The following KCNAB1 variants were observed in gnomAD, a reference collection of about 807,000 sequenced individuals.
KCNAB1 encodes the protein voltage-gated potassium channel subunit beta-1.
Under a neutral mutation model 64.6 loss-of-function variants are expected in KCNAB1, and 35 were observed. The ratio of observed to expected loss-of-function variants is 0.54; its 90% CI spans 0.41 to 0.72. The LOEUF is 0.72. Among genes scored for constraint, KCNAB1 ranks in the 30% least tolerant of loss-of-function variants. The probability of loss-of-function intolerance (pLI) is 0.00; values close to 1 mark genes in which losing one functional copy is unlikely to be tolerated. For missense variants in KCNAB1, 401 were observed against 512.9 expected (o/e 0.78, Z 2.11); for synonymous variants, 177 against 183.8 (o/e 0.96, Z 0.30).
At chr3:156,297,677 C>T (rs1266881149) in intron 1 of KCNAB1, among the ~76,000 whole-genome samples, 12 of 152,094 alleles carry the variant, frequency 7.9e-5, no homozygotes, top group African/African-American at 9.7e-5. Flanking sequence ...TTACCTCCCA[C>T]GAATGGTGGG....
chr3:156,147,964 C>CACACAT (rs1553808786), intron 1 of KCNAB1, among the ~76,000 whole-genome samples: 12 of 151,402 alleles, frequency 7.9e-5, no homozygotes, highest in East Asian at 1.9e-4. Context: ...CACACACGCA[C>CACACAT]GCACACGCAC....
intron 1 of KCNAB1, among the ~76,000 whole-genome samples, chr3:156,122,756 G>T (rs565011434): frequency 6.6e-6 from 1 of 152,130 alleles, no homozygotes; most frequent in African/African-American, 2.4e-5. Context: ...TATTATTGCA[G>T]CATGATTATT....
chr3:156,244,557 G>C lies in KCNAB1; in HGVS notation c.275+123671G>C, dbSNP rs533773909. ...AGGTAATGACTTCCTTGGATCCTCTGAGTCTTCTCTTCCAGATTCCTACTT... is the reference window on the plus strand; with the variant it reads ...AGGTAATGACTTCCTTGGATCCTCTCAGTCTTCTCTTCCAGATTCCTACTT... On this transcript the variant is annotated intron_variant, in intron 1 of 13. Coordinates refer to ENST00000490337, the MANE Select transcript of KCNAB1 (RefSeq NM_172160.3). 3.7e-4 allele frequency among the ~76,000 whole-genome samples: 56 copies of C among 152,292 alleles called. 1 individual carries two copies. Among genetic ancestry groups the C allele is most frequent in the African/African-American group, 1.2e-3 (51 of 41,562 alleles).
At chr3:156,462,942 G>T (rs1389151880) in intron 5 of KCNAB1, among the ~76,000 whole-genome samples, 1 of 152,108 alleles carries the variant, frequency 6.6e-6, no homozygotes, top group African/African-American at 2.4e-5. Flanking sequence ...CTTGGTTGTG[G>T]CTTTCAGAAG....
At chr3:156,361,546 C>T (rs1347253861) in intron 1 of KCNAB1, among the ~76,000 whole-genome samples, 1 of 152,184 alleles carries the variant, frequency 6.6e-6, no homozygotes. Context: ...ATGTATGCTC[C>T]ATGAGGGCAG....
At position 156,135,409 on chromosome 3, in the gene KCNAB1, C is replaced by T. The variant is rs1180180073; in HGVS notation, c.275+14523C>T. On this transcript the variant is annotated intron_variant, in intron 1 of 13. Transcript: ENST00000490337. ...GCCAGGCAAAGATTTAAGTCCTTGT[C>T]CACTAAGCCCATGCTCCTGGAAACT... Among the ~76,000 whole-genome samples the T allele has an allele frequency of 5.3e-5, 8 of 152,168 alleles. 1 individual carries two copies. The highest frequency in any genetic ancestry group is 8.8e-5 in the Non-Finnish European group (6 of 68,030).
chr3:156,259,198 AG>A (rs1718286689), intron 1 of KCNAB1, among the ~76,000 whole-genome samples: 1 of 152,220 alleles, frequency 6.6e-6, no homozygotes, highest in Non-Finnish European at 1.5e-5. Context: ...AGTGGTAAGA[AG>A]ACAGTGGCCC....
intron 1 of KCNAB1, among the ~76,000 whole-genome samples, chr3:156,262,331 T>G (rs1445295368): frequency 6.6e-6 from 1 of 151,980 alleles, no homozygotes; most frequent in African/African-American, 2.4e-5. Flanking sequence ...TGTGGATTTT[T>G]CATGGAGACA....
intron 11 of KCNAB1, among the ~76,000 whole-genome samples, chr3:156,519,907 G>A (rs1717826710): frequency 6.6e-6 from 1 of 152,166 alleles, no homozygotes; most frequent in Admixed American, 6.5e-5. Context: ...CAATGACAGT[G>A]GCCAAAAGGG....
chr3:156,470,087 A>C (rs892515568), intron 7 of KCNAB1, among the ~76,000 whole-genome samples: 9 of 152,242 alleles, frequency 5.9e-5, no homozygotes, highest in African/African-American at 2.2e-4. Flanking sequence ...TACAGAGTAT[A>C]CAATGAGCTT....
At chr3:156,405,852 A>G (rs1314753741) in intron 1 of KCNAB1, among the ~76,000 whole-genome samples, 2 of 152,230 alleles carry the variant, frequency 1.3e-5, no homozygotes, top group African/African-American at 4.8e-5. Flanking sequence ...AATAACTACT[A>G]TGATCCATAT....
intron 1 of KCNAB1, among the ~76,000 whole-genome samples, chr3:156,345,927 T>C (rs180883928): frequency 6.6e-6 from 1 of 152,224 alleles, no homozygotes; most frequent in Admixed American, 6.5e-5. Context: ...TTGAAATAAA[T>C]ACAATTTTGC....
chr3:156,398,573 A>T (rs2108185458), intron 1 of KCNAB1, among the ~76,000 whole-genome samples: 1 of 146,222 alleles, frequency 6.8e-6, no homozygotes, highest in African/African-American at 2.6e-5. Context: ...AACCTGGGCG[A>T]CAGCGAGACT....
intron 8 of KCNAB1, 71 bp from the exon 9 acceptor site, chr3:156,514,293 G>A (rs1465645495): frequency 3.5e-6 from 4 of 1,135,980 alleles, no homozygotes; most frequent in Non-Finnish European, 4.0e-6. Flanking sequence ...GCTTTGGCTA[G>A]AGGAGTAAAA....
At chr3:156,239,961 A>C (rs1297419140) in intron 1 of KCNAB1, among the ~76,000 whole-genome samples, 6 of 152,228 alleles carry the variant, frequency 3.9e-5, no homozygotes, top group Non-Finnish European at 8.8e-5. Context: ...TAAACTTGAA[A>C]GCTACAGGAA....
chr3:156,318,974 A>G (rs1037899721), intron 1 of KCNAB1, among the ~76,000 whole-genome samples: 3 of 152,198 alleles, frequency 2.0e-5, no homozygotes, highest in African/African-American at 7.2e-5. Flanking sequence ...TAAATTTTCC[A>G]TTTATAGCTT....
chr3:156,536,134 C>G (rs1353628042), intron 13 of KCNAB1, among the ~76,000 whole-genome samples: 1 of 152,194 alleles, frequency 6.6e-6, no homozygotes, highest in East Asian at 1.9e-4. Context: ...AGTCTCTAGA[C>G]CTGTGCTGTG....
intron 1 of KCNAB1, among the ~76,000 whole-genome samples, chr3:156,399,717 A>G (rs986431231): frequency 1.1e-4 from 17 of 152,216 alleles, no homozygotes; most frequent in African/African-American, 3.9e-4. Flanking sequence ...TTCTTGATGA[A>G]CTGAATCTGC....
At chr3:156,498,738 A>T (rs1023453778) in intron 8 of KCNAB1, among the ~76,000 whole-genome samples, 2 of 152,256 alleles carry the variant, frequency 1.3e-5, no homozygotes, top group African/African-American at 4.8e-5. Flanking sequence ...TTCTGACTGA[A>T]ATATTGAAGT....
Sources: allele counts gnomAD v4.1 joint callset (sites outside exome capture counted in the v4.1 genomes callset), GRCh38; gene constraint gnomAD v4.1.1; transcripts MANE v1.5; gene names NCBI Gene and HGNC (gene_info 2026-07-23, HGNC 2026-07-21).